Variants in RIMS2 observed in about 807,000 individuals in gnomAD.
RIMS2 encodes regulating synaptic membrane exocytosis 2.
RIMS2 carries 59 observed loss-of-function variants against 174.4 expected under a neutral mutation model. That is an observed-to-expected ratio of 0.34 (90% CI 0.27 to 0.42). The LOEUF (loss-of-function observed/expected upper bound fraction) is 0.42. RIMS2 is among the 10% of genes least tolerant of loss of function. RIMS2 has a pLI of 1.00. For missense variants in RIMS2, 1,620 were observed against 1,666.3 expected (o/e 0.97, Z 0.48); for synonymous variants, 606 against 572.5 (o/e 1.06, Z -0.84).
At chr8:104,134,159 C>T (rs1052554531) in intron 19 of RIMS2, among the ~76,000 whole-genome samples, 46 of 151,888 alleles carry the variant, frequency 3.0e-4, no homozygotes, top group African/African-American at 4.1e-4. Context: ...CAACATAAGC[C>T]GCAGCAAATT....
intron 2 of RIMS2, among the ~76,000 whole-genome samples, chr8:103,748,935 G>C (rs1054792984): frequency 1.3e-5 from 2 of 151,810 alleles, no homozygotes; most frequent in African/African-American, 4.8e-5. Flanking sequence ...TGAGTAGCTA[G>C]GATTACAGGC....
chr8:103,507,690 G>A (rs1347404565), intron 1 of RIMS2, among the ~76,000 whole-genome samples: 1 of 152,046 alleles, frequency 6.6e-6, no homozygotes, highest in Non-Finnish European at 1.5e-5. Flanking sequence ...TTTGGACTAA[G>A]AGCATATCTT....
At chr8:104,001,426 G>T (rs190118678) in intron 17 of RIMS2, among the ~76,000 whole-genome samples, 1 of 151,882 alleles carries the variant, frequency 6.6e-6, no homozygotes, top group Admixed American at 6.6e-5. Context: ...ACATATAAAT[G>T]AATGTGTATT....
chr8:104,132,827 T>G (rs1657215662), intron 19 of RIMS2, among the ~76,000 whole-genome samples: 1 of 152,168 alleles, frequency 6.6e-6, no homozygotes, highest in Non-Finnish European at 1.5e-5. Context: ...GTTTGTATTA[T>G]GTAAGTCTCT....
chr8:103,685,104 CTTT>C (rs58008098), intron 1 of RIMS2, among the ~76,000 whole-genome samples: 1 of 139,068 alleles, frequency 7.2e-6, no homozygotes, highest in Non-Finnish European at 1.6e-5. Context: ...TTTTCTTTTT[CTTT>C]TTTTTTTTTG....
At chr8:104,212,533 A>G (rs2099109932) in intron 19 of RIMS2, among the ~76,000 whole-genome samples, 1 of 152,248 alleles carries the variant, frequency 6.6e-6, no homozygotes. Context: ...ACAACAAGCT[A>G]GTCATTGGAA....
At chr8:103,599,299 G>T (rs2094598925) in intron 1 of RIMS2, among the ~76,000 whole-genome samples, 1 of 150,492 alleles carries the variant, frequency 6.6e-6, no homozygotes, top group Non-Finnish European at 1.5e-5. Context: ...GCTCTGAGAG[G>T]GAAGGGAACT....
chr8:103,823,762 A>G (rs1234604482), intron 3 of RIMS2, among the ~76,000 whole-genome samples: 1 of 151,982 alleles, frequency 6.6e-6, no homozygotes, highest in Non-Finnish European at 1.5e-5. Flanking sequence ...AAAGAACAGC[A>G]TGCTTACTTT....
At chr8:103,868,955 A>G (rs2099096718) in intron 3 of RIMS2, among the ~76,000 whole-genome samples, 1 of 152,196 alleles carries the variant, frequency 6.6e-6, no homozygotes, top group South Asian at 2.1e-4. Flanking sequence ...ACCAAAATTC[A>G]TCATAACTAT....
At chr8:104,083,161 A>G (rs896865318) in intron 19 of RIMS2, among the ~76,000 whole-genome samples, 1 of 152,172 alleles carries the variant, frequency 6.6e-6, no homozygotes, top group African/African-American at 2.4e-5. Flanking sequence ...CCTGAATTTG[A>G]TAGATCAGAG....
chr8:103,734,842 A>T (rs2097664186), intron 2 of RIMS2, among the ~76,000 whole-genome samples: 1 of 152,008 alleles, frequency 6.6e-6, no homozygotes. Context: ...GTGATAATGC[A>T]TATTTTCTAC....
chr8:103,580,825 CTTTTT>C (rs61559970), intron 1 of RIMS2, among the ~76,000 whole-genome samples: 13,337 of 113,392 alleles, frequency 0.12, 604 homozygotes, highest in African/African-American at 0.19. Flanking sequence ...AAAGGGAATA[CTTTTT>C]TTTTTTTTTT....
intron 15 of RIMS2, 88 bp from the exon 18 acceptor site, chr8:103,975,262 C>G: frequency 2.7e-6 from 2 of 753,884 alleles, no homozygotes; most frequent in Non-Finnish European, 4.2e-6. Flanking sequence ...TTAAATTTCA[C>G]CAACATTTTG....
chr8:104,204,481 G>GGT (rs1304436246), intron 19 of RIMS2, among the ~76,000 whole-genome samples: 1 of 152,014 alleles, frequency 6.6e-6, no homozygotes, highest in Non-Finnish European at 1.5e-5. Flanking sequence ...GCCTTACAGG[G>GGT]GTGTTGTACA....
chr8:104,083,319 C>T (rs2097462302), intron 19 of RIMS2, among the ~76,000 whole-genome samples: 1 of 152,058 alleles, frequency 6.6e-6, no homozygotes, highest in South Asian at 2.1e-4. Context: ...TTCTTGTCTC[C>T]AGCTCATATG....
At chr8:103,966,059 T>C (rs186680154) in intron 15 of RIMS2, among the ~76,000 whole-genome samples, 1 of 152,266 alleles carries the variant, frequency 6.6e-6, no homozygotes, top group African/African-American at 2.4e-5. Flanking sequence ...ACATTGATAA[T>C]TTTTGCAGTA....
chr8:103,738,089 C>A (rs1034570651), intron 2 of RIMS2, among the ~76,000 whole-genome samples: 4 of 151,994 alleles, frequency 2.6e-5, no homozygotes, highest in Non-Finnish European at 5.9e-5. Context: ...AATATGTGTT[C>A]AATGATTGTT....
intron 3 of RIMS2, among the ~76,000 whole-genome samples, chr8:103,883,526 A>G (rs1300045352): frequency 6.6e-6 from 1 of 151,852 alleles, no homozygotes; most frequent in East Asian, 1.9e-4. Flanking sequence ...CTATGGTTTT[A>G]TGTAACAATT....
chr8:103,941,939 A>G (rs1467531323), intron 13 of RIMS2, among the ~76,000 whole-genome samples: 1 of 152,236 alleles, frequency 6.6e-6, no homozygotes, highest in African/African-American at 2.4e-5. Flanking sequence ...AATAATTATG[A>G]CAGAGAATAT....
Sources: gnomAD v4.1 joint callset for allele counts (sites outside exome capture counted in the v4.1 genomes callset) on GRCh38, gnomAD v4.1.1 for gene constraint, MANE v1.5 for transcripts, NCBI Gene and HGNC (gene_info 2026-07-23, HGNC 2026-07-21) for gene names.